Variants in HEATR4 observed in about 807,000 individuals in gnomAD.
HEATR4 encodes HEAT repeat-containing protein 4.
In HEATR4, 95 loss-of-function variants were observed where a neutral mutation model predicts 108.8. The ratio of observed to expected loss-of-function variants is 0.87; its 90% CI spans 0.74 to 1.04. The LOEUF is 1.04. HEATR4 is among the 50% of genes least tolerant of loss of function. HEATR4 has a pLI of 0.00. For missense variants in HEATR4, 1,152 were observed against 1,253.8 expected (o/e 0.92, Z 1.23); for synonymous variants, 443 against 459.4 (o/e 0.96, Z 0.46).
the HEATR4 span, chr14:73,575,384 C>T: frequency 8.2e-7 from 1 of 1,219,976 alleles, no homozygotes; most frequent in Non-Finnish European, 1.1e-6. Flanking sequence ...CCTTGGTGGG[C>T]AGTCCTATTA....
the HEATR4 span, among the ~76,000 whole-genome samples, chr14:73,625,913 G>T: frequency 6.6e-6 from 1 of 152,210 alleles, no homozygotes; most frequent in Non-Finnish European, 1.5e-5. Context: ...GTGAAAGGAA[G>T]AGTCTCGGGT....
intron 17 of HEATR4, among the ~76,000 whole-genome samples, chr14:73,488,464 G>A (rs1480505872): frequency 6.6e-6 from 1 of 151,852 alleles, no homozygotes. Flanking sequence ...TAGAGATGGG[G>A]TTTCACTGTG....
the HEATR4 span, among the ~76,000 whole-genome samples, chr14:73,574,579 G>C: frequency 6.6e-6 from 1 of 152,000 alleles, no homozygotes; most frequent in African/African-American, 2.4e-5. Context: ...TGATGTACTT[G>C]TTGATGATGA....
the HEATR4 span, among the ~76,000 whole-genome samples, chr14:73,570,310 T>C: frequency 1.9e-4 from 29 of 151,568 alleles, no homozygotes; most frequent in Admixed American, 3.9e-4. Flanking sequence ...TGGCTCACGC[T>C]TGTAATCCCA....
chr14:73,612,977 C>T, the HEATR4 span: 19 of 1,152,702 alleles, frequency 1.6e-5, no homozygotes, highest in African/African-American at 2.0e-4. Flanking sequence ...GGGGGTGCGG[C>T]GCGAGCCGGT....
upstream of HEATR4, among the ~76,000 whole-genome samples, chr14:73,561,943 C>A (rs1402439525): frequency 2.0e-5 from 3 of 152,022 alleles, no homozygotes; most frequent in African/African-American, 4.8e-5. Flanking sequence ...GTGATCTTGC[C>A]ACTGCACTCC....
At chr14:73,577,132 G>C in the HEATR4 span, among the ~76,000 whole-genome samples, 19 of 151,712 alleles carry the variant, frequency 1.3e-4, no homozygotes, top group Non-Finnish European at 2.5e-4. Context: ...GGGTCTCCCA[G>C]TGTTGCCCAG....
At chr14:73,569,700 C>G in the HEATR4 span, 1 of 1,609,520 alleles carries the variant, frequency 6.2e-7, no homozygotes, top group Non-Finnish European at 8.5e-7. Flanking sequence ...ACCTTTGGTG[C>G]GGCTGGTGAA....
chr14:73,567,262 A>C, the HEATR4 span, among the ~76,000 whole-genome samples: 1 of 152,110 alleles, frequency 6.6e-6, no homozygotes, highest in South Asian at 2.1e-4. Context: ...TGTGATCTTC[A>C]GAAAATCAGT....
the HEATR4 span, among the ~76,000 whole-genome samples, chr14:73,622,593 T>A: frequency 6.6e-6 from 1 of 151,692 alleles, no homozygotes; most frequent in African/African-American, 2.4e-5. Context: ...AGAGAAAGGG[T>A]TTCTCCATGT....
chr14:73,521,036 C>A lies in HEATR4; in HGVS notation c.885G>T (p.Leu295Phe), dbSNP rs755810228. 6.2e-7 allele frequency: 1 copy of A among 1,612,722 alleles called. No individual in the cohort carries two copies. The highest frequency in any genetic ancestry group is 2.2e-5 in the East Asian group (1 of 44,828). Residue 295 changes from leucine (L) to phenylalanine (F), a missense_variant, in exon 4 of 18, where the codon TTG becomes TTT. Physicochemically the swap from Leu to Phe is conservative, Grantham distance 22 (BLOSUM62 0). Coordinates refer to ENST00000553558, the MANE Select transcript of HEATR4 (RefSeq NM_001220484.1). ...PELLLPVYYRLPSYFQQAETV... is the reference protein window; with the variant it reads ...PELLLPVYYRFPSYFQQAETV... ...TCTCTGCTTGTTGGAAGTAACTGGG[C>A]AATCTTGGCAGGGGTGAGAAAGGAG...
upstream of HEATR4, among the ~76,000 whole-genome samples, chr14:73,560,237 T>A (rs1238276009): frequency 6.6e-6 from 1 of 152,106 alleles, no homozygotes; most frequent in Admixed American, 6.6e-5. Context: ...GCTATTCAGG[T>A]GGTCCATCTC....
At chr14:73,488,481 A>T (rs1885537029) in intron 17 of HEATR4, among the ~76,000 whole-genome samples, 2 of 151,984 alleles carry the variant, frequency 1.3e-5, no homozygotes, top group Admixed American at 6.6e-5. Flanking sequence ...TGTGCTAGCC[A>T]GGATGGTCTT....
intron 1 of HEATR4, among the ~76,000 whole-genome samples, chr14:73,556,147 G>T (rs1566854410): frequency 9.0e-6 from 1 of 111,432 alleles, no homozygotes. Flanking sequence ...AAGGAGGCTG[G>T]GTGCGGTGGC....
chr14:73,573,935 C>T, the HEATR4 span, among the ~76,000 whole-genome samples: 1 of 152,042 alleles, frequency 6.6e-6, no homozygotes, highest in African/African-American at 2.4e-5. Context: ...CAATATTGGT[C>T]AGGCTGGTCT....
chr14:73,512,130 C>G lies in HEATR4; in HGVS notation c.1434G>C (p.Glu478Asp), dbSNP rs1218324670. 6.2e-7 allele frequency: 1 copy of G among 1,614,040 alleles called. No homozygotes were observed. The highest frequency in any genetic ancestry group is 8.5e-7 in the Non-Finnish European group (1 of 1,180,038). Residue 478 changes from glutamate (E) to aspartate (D), a missense_variant, in exon 7 of 18, where the codon GAG (glutamate) becomes GAC (aspartate). Glu to Asp is a conservative substitution (Grantham distance 45, BLOSUM62 2). Coordinates refer to ENST00000553558, the MANE Select transcript of HEATR4 (RefSeq NM_001220484.1). ...AWALIIEWHH[E>D]TVENLLQSLG... ...AGCTCTGAAGCAGGTTCTCTACTGT[C>G]TCATGGTGCCACTCTATGACTGAGC...
the HEATR4 span, chr14:73,567,647 ATGGAAGCTT>A: frequency 6.6e-6 from 1 of 152,044 alleles, no homozygotes; most frequent in South Asian, 2.1e-4. Context: ...CTCCAGGCTG[ATGGAAGCTT>A]TGTTCTTTTG....
At chr14:73,595,051 A>C in the HEATR4 span, 1 of 1,612,842 alleles carries the variant, frequency 6.2e-7, no homozygotes, top group Non-Finnish European at 8.5e-7. Context: ...TCTTCCAGGT[A>C]AAAGGCCCAG....
intron 17 of HEATR4, chr14:73,491,677 G>T: frequency 6.5e-7 from 1 of 1,549,874 alleles, no homozygotes; most frequent in Non-Finnish European, 8.7e-7. Context: ...ACTTTTACCG[G>T]CGCCTATGGG....
Sources: allele counts gnomAD v4.1 joint callset (sites outside exome capture counted in the v4.1 genomes callset), GRCh38; gene constraint gnomAD v4.1.1; transcripts MANE v1.5; gene names NCBI Gene and HGNC (gene_info 2026-07-23, HGNC 2026-07-21).